The following KRT20 variants were observed in gnomAD, a reference collection of about 807,000 sequenced individuals.
KRT20 encodes the protein keratin 20.
KRT20 carries 41 observed loss-of-function variants against 43.0 expected under a neutral mutation model. The observed-to-expected ratio is 0.95, with a 90% CI of 0.74 to 1.24. The LOEUF (loss-of-function observed/expected upper bound fraction) is 1.24, where lower values mean the gene tolerates loss of function less well. KRT20 is among the 50% of genes most tolerant of loss of function. KRT20 has a pLI of 0.00. For synonymous variants in KRT20, 207 were observed against 200.6 expected, an observed-to-expected ratio of 1.03 and a Z score of -0.27; for missense variants, 533 against 521.2, an observed-to-expected ratio of 1.02 and a Z score of -0.22.
Position 40,885,114 on chromosome 17 carries a change from C to G in KRT20, c.72G>C (p.Val24=). 1 of 1,613,866 alleles carries G rather than the reference C, an allele frequency of 6.2e-7. No homozygotes were observed. Among genetic ancestry groups the G allele is most frequent in the Non-Finnish European group, 8.5e-7 (1 of 1,180,026 alleles). ...SSLQAPVVST[V]GMQRLGTTPS... Reference sequence around the variant, plus strand: ...GTGTCGTCCCGAGGCGCTGCATGCCCACTGTACTGACTACAGGGGCCTGCA... The same window carrying G: ...GTGTCGTCCCGAGGCGCTGCATGCCGACTGTACTGACTACAGGGGCCTGCA... The change falls in exon 1 of 8, where the codon GTG becomes GTC. Residue 24 remains valine (V), a synonymous_variant. Transcript: ENST00000167588.
rs1156715296 is a variant in KRT20, at chr17:40,876,458, TCTG to T, written c.1178-3_1178-1del. ...CTTAATCTTCCTGGTTTTCTTTATA[TCTG>T]AATTCATATTAAACATTAAATGTTA... On this transcript the variant is annotated splice_acceptor_variant and splice_polypyrimidine_tract_variant and intron_variant, in intron 7 of 7. Coordinates refer to ENST00000167588, the MANE Select transcript of KRT20 (RefSeq NM_019010.3). LOFTEE classifies it high-confidence loss of function. 1 of 1,579,528 alleles carries T rather than the reference TCTG, an allele frequency of 6.3e-7. No homozygotes were observed.
At position 40,880,009 on chromosome 17, in the gene KRT20, G is replaced by A; in HGVS notation, c.793-71C>T. ...AGAAAGAAAAGACAGAAAGAGAAAG[G>A]AAGAATGAACAAATGAAAAAGAAAA... On this transcript the variant is annotated intron_variant, in intron 4 of 7. Transcript: ENST00000167588. 4.4e-6 allele frequency: 7 copies of A among 1,598,156 alleles called. 1 individual carries two copies. In the South Asian group the frequency reaches 7.8e-5, roughly 18 times the overall value.
rs768285856 is a variant in KRT20 at position 40,876,500 on chromosome 17, ACT to A, written c.1178-44_1178-43del. ...CATTAAATGTTAATTCAGGCACATGACTCTGCTGATTTATAATATTCAACTTT... is the reference window on the plus strand; with the variant it reads ...CATTAAATGTTAATTCAGGCACATGACTGCTGATTTATAATATTCAACTTT... On this transcript the variant is annotated intron_variant, in intron 7 of 7. Coordinates refer to ENST00000167588, the MANE Select transcript of KRT20 (RefSeq NM_019010.3). The A allele has an allele frequency of 1.1e-5, 13 of 1,136,576 alleles. No individual in the cohort carries two copies. The East Asian group carries it at 1.6e-4, about 14-fold the overall frequency. 70.4% of individuals were successfully genotyped at this position (1,136,576 alleles called of 1,614,324 possible).
Position 40,882,645 on chromosome 17 carries a change from C to T in KRT20, c.400G>A (p.Ala134Thr). ...IEELRSQIKDAQLQNARCVLQ... is the reference protein window; with the variant it reads ...IEELRSQIKDTQLQNARCVLQ... Reference sequence around the variant, plus strand: ...ACACACCGAGCATTTTGCAGTTGAGCATCCTTAATCTGGAAAATACATGAG... The same window carrying T: ...ACACACCGAGCATTTTGCAGTTGAGTATCCTTAATCTGGAAAATACATGAG... Residue 134 changes from alanine (A) to threonine (T), a missense_variant, in exon 2 of 8, where the codon GCT (alanine) becomes ACT (threonine). Coordinates refer to ENST00000167588, the MANE Select transcript of KRT20 (RefSeq NM_019010.3). 5 of 1,494,948 alleles carry T rather than the reference C, an allele frequency of 3.3e-6. No individual in the cohort carries two copies. The highest frequency in any genetic ancestry group is 4.5e-6 in the Non-Finnish European group (5 of 1,114,172). The allele number at this position is 1,494,948 out of a possible 1,614,324, so 92.6% of individuals were successfully genotyped here. A position where few individuals can be genotyped will look rare whatever the true frequency, so the allele number is the denominator to read the frequency against.
At chr17:40,878,061 G>C in intron 6 of KRT20, 84 bp downstream of exon 6, 1 of 1,148,056 alleles carries the variant, frequency 8.7e-7, no homozygotes, top group Admixed American at 1.7e-5. Flanking sequence ...GGATTGCATT[G>C]GTGCTGGGTA....
In KRT20 at chr17:40,878,290, A is replaced by G. The variant is rs8065478; in HGVS notation, c.994T>C (p.Leu332=). ...ATCAGTTGGGCCTCCAGAGAGCTCA[A>G]CAGCGACTGGAGGTTGGCTAACTGG... The part of the protein sequence containing the change: ...SSQLANLQSL[L]SSLEAQLMQI... The change falls in exon 6 of 8, where the codon TTG becomes CTG. Residue 332 remains leucine (L), a synonymous_variant. Coordinates refer to ENST00000167588, the MANE Select transcript of KRT20 (RefSeq NM_019010.3). 1.3e-3 allele frequency: 2,042 copies of G among 1,614,098 alleles called. 23 individuals carry two copies. The African/African-American group carries it at 0.025, about 20-fold the overall frequency.
At chr17:40,878,682 C>T (rs745622567) in intron 5 of KRT20, among the ~76,000 whole-genome samples, 2 of 152,182 alleles carry the variant, frequency 1.3e-5, no homozygotes, top group African/African-American at 4.8e-5. Flanking sequence ...CAGACCTGGC[C>T]ATGTGATCTG....
rs747658933 is a variant in KRT20 at position 40,882,627 on chromosome 17, G to T, written c.418C>A (p.Arg140=). ...GCATTATCAATTTGCAGGACACACC[G>T]AGCATTTTGCAGTTGAGCATCCTTA... ...QIKDAQLQNA[R]CVLQIDNAKL... Residue 140 remains arginine, a synonymous_variant, in exon 2 of 8, where the codon CGG becomes AGG. Transcript: ENST00000167588. 3.9e-6 allele frequency: 6 copies of T among 1,553,486 alleles called. No homozygotes were observed. Among genetic ancestry groups the T allele is most frequent in the East Asian group, 2.4e-5 (1 of 41,950 alleles).
intron 1 of KRT20, among the ~76,000 whole-genome samples, chr17:40,883,819 G>T (rs775339317): frequency 1.3e-5 from 2 of 152,140 alleles, no homozygotes; most frequent in African/African-American, 2.4e-5. Flanking sequence ...ACTTTATTCC[G>T]GAAGGGCTAT....
At chr17:40,880,367 G>C (rs1314543467) in intron 3 of KRT20, 106 bp from the exon 4 acceptor site, 1 of 1,090,236 alleles carries the variant, frequency 9.2e-7, no homozygotes, top group Non-Finnish European at 1.3e-6. Context: ...TTGGGAATAA[G>C]TAAAAAAGAT....
At chr17:40,880,295 T>C in intron 3 of KRT20, 34 bp from the exon 4 acceptor site, 3 of 1,565,636 alleles carry the variant, frequency 1.9e-6, no homozygotes, top group Non-Finnish European at 2.6e-6. Context: ...GATTTTAGTC[T>C]GAAGCACATT....
At position 40,880,671 on chromosome 17, in the gene KRT20, C is replaced by T; in HGVS notation, c.573G>A (p.Glu191=). ...DDLTLHKTDL[E]IQIEELNKDL... is the part of the protein sequence containing the mutation. The stretch of plus-strand genomic sequence containing the variant: ...CTTTATTCAGTTCTTCAATTTGAAT[C>T]TCCAAATCTGTTTTATGTAGGGTTA... The change falls in exon 3 of 8, where the codon GAG becomes GAA. Residue 191 remains glutamate (E), a synonymous_variant. Transcript: ENST00000167588. The T allele has an allele frequency of 6.2e-7, 1 of 1,612,650 alleles. No homozygotes were observed. The highest frequency in any genetic ancestry group is 8.5e-7 in the Non-Finnish European group (1 of 1,179,506).
chr17:40,882,390 A>T (rs1174003211), intron 2 of KRT20, 182 bp downstream of exon 2: 1 of 304,712 alleles, frequency 3.3e-6, no homozygotes, highest in African/African-American at 2.2e-5. Context: ...CAAGAAAGAG[A>T]AGGCCATCCC....
rs1318335852 is a variant in KRT20 at position 40,876,066 on chromosome 17, A to G, written c.*295T>C. ...GGAACATTACCTACAAATTGATATT[A>G]GGTGGTCTACAGCTTGTAATTGATG... On this transcript the variant is annotated 3_prime_UTR_variant, in exon 8 of 8. Transcript: ENST00000167588. 1.1e-5 allele frequency: 3 copies of G among 263,932 alleles called. No homozygotes were observed. The highest frequency in any genetic ancestry group is 2.1e-5 in the Non-Finnish European group (3 of 140,878). 16.3% of individuals were successfully genotyped at this position (263,932 alleles called of 1,614,324 possible).
In KRT20 at chr17:40,876,109, G is replaced by A; in HGVS notation, c.*252C>T. 1 of 362,346 alleles carries A rather than the reference G, an allele frequency of 2.8e-6. No homozygotes were observed. Among genetic ancestry groups the A allele is most frequent in the East Asian group, 4.1e-5 (1 of 24,650 alleles). The allele number at this position is 362,346 out of a possible 1,614,324, so 22.4% of individuals were successfully genotyped here. ...AATTGATGTGCTTCATGATAAAGAT[G>A]GCAGTAATGATGTTTTAAATATTCT... On this transcript the variant is annotated 3_prime_UTR_variant, in exon 8 of 8. Transcript: ENST00000167588.
intron 2 of KRT20, among the ~76,000 whole-genome samples, chr17:40,881,488 A>G (rs1175836120): frequency 6.6e-6 from 1 of 152,178 alleles, no homozygotes; most frequent in Non-Finnish European, 1.5e-5. Flanking sequence ...CCAGGACTCA[A>G]GTGAGCCTCC....
intron 2 of KRT20, among the ~76,000 whole-genome samples, chr17:40,882,301 A>G (rs1490795825): frequency 1.3e-5 from 2 of 152,216 alleles, no homozygotes; most frequent in African/African-American, 4.8e-5. Flanking sequence ...ATACCAGGTT[A>G]CTAAAAAAAA....
intron 2 of KRT20, among the ~76,000 whole-genome samples, chr17:40,881,415 AT>A (rs200807799): frequency 2.8e-3 from 418 of 151,802 alleles, no homozygotes; most frequent in African/African-American, 7.5e-3. Flanking sequence ...TGCCCAGCTA[AT>A]TTTTTTTGTA....
At chr17:40,881,341 G>A (rs6503564) in intron 2 of KRT20, among the ~76,000 whole-genome samples, 2,971 of 151,924 alleles carry the variant, frequency 0.02, 101 homozygotes, top group African/African-American at 0.068. Flanking sequence ...CTCAACCTTT[G>A]GGGCTCAAGC....
Sources: gnomAD v4.1 joint callset for allele counts (sites outside exome capture counted in the v4.1 genomes callset) on GRCh38, gnomAD v4.1.1 for gene constraint, MANE v1.5 for transcripts, NCBI Gene and HGNC (gene_info 2026-07-23, HGNC 2026-07-21) for gene names.